Variants in PGM2L1 observed in about 807,000 individuals in gnomAD.
PGM2L1 encodes the protein phosphoglucomutase 2 like 1, also known as glucose 1,6-bisphosphate synthase.
PGM2L1 carries 35 observed loss-of-function variants against 73.4 expected under a neutral mutation model. That is an observed-to-expected ratio of 0.48 (90% CI 0.36 to 0.63). PGM2L1 has a LOEUF of 0.63. PGM2L1 is among the 30% of genes least tolerant of loss of function. The pLI is 0.00. For missense variants in PGM2L1, 570 were observed against 742.0 expected, an observed-to-expected ratio of 0.77 and a Z score of 2.69; for synonymous variants, 225 against 253.8, an observed-to-expected ratio of 0.89 and a Z score of 1.08.
chr11:74,353,646 G>T (rs1862393334), intron 5 of PGM2L1, among the ~76,000 whole-genome samples: 4 of 151,784 alleles, frequency 2.6e-5, no homozygotes, highest in Admixed American at 2.6e-4. Flanking sequence ...AGAGCAAGGG[G>T]CTGGGGGTAA....
At chr11:74,361,475 C>T (rs975949688) in intron 5 of PGM2L1, among the ~76,000 whole-genome samples, 12 of 152,302 alleles carry the variant, frequency 7.9e-5, no homozygotes, top group South Asian at 2.1e-4. Context: ...GCTGAAAATT[C>T]TAAAAATCAG....
chr11:74,351,644 G>A, intron 5 of PGM2L1, 68 bp from the exon 6 acceptor site: 1 of 1,343,632 alleles, frequency 7.4e-7, no homozygotes, highest in Non-Finnish European at 1.0e-6. Context: ...GTCTATAGTT[G>A]AGATCTTCAG....
chr11:74,396,713 C>T (rs940266405), intron 1 of PGM2L1, among the ~76,000 whole-genome samples: 1 of 152,210 alleles, frequency 6.6e-6, no homozygotes, highest in Non-Finnish European at 1.5e-5. Context: ...GGCGCCCGGC[C>T]GGAAATTCAT....
At chr11:74,378,392 A>C (rs1472187833) in intron 1 of PGM2L1, among the ~76,000 whole-genome samples, 8 of 152,218 alleles carry the variant, frequency 5.3e-5, no homozygotes, top group Non-Finnish European at 1.0e-4. Flanking sequence ...AATGCATTCA[A>C]TCTGAAATAA....
intron 1 of PGM2L1, among the ~76,000 whole-genome samples, chr11:74,384,340 A>G (rs1862991178): frequency 6.6e-6 from 1 of 151,862 alleles, no homozygotes; most frequent in South Asian, 2.1e-4. Flanking sequence ...TTCTCCACCA[A>G]TTTTTTTAAC....
intron 5 of PGM2L1, among the ~76,000 whole-genome samples, chr11:74,360,272 A>AAG (rs1862536666): frequency 7.0e-6 from 1 of 143,590 alleles, no homozygotes; most frequent in Admixed American, 7.0e-5. Context: ...AAAGAGAAAG[A>AAG]GAAGGAAGGA....
chr11:74,364,618 C>A (rs927481408), intron 5 of PGM2L1, among the ~76,000 whole-genome samples: 3 of 152,120 alleles, frequency 2.0e-5, no homozygotes, highest in African/African-American at 7.2e-5. Context: ...TTCACAATTG[C>A]TTCAAAGAGA....
chr11:74,343,232 T>C (rs1040999446), intron 10 of PGM2L1, 91 bp downstream of exon 10: 11 of 1,437,574 alleles, frequency 7.7e-6, no homozygotes, highest in Non-Finnish European at 9.2e-6. Flanking sequence ...CAACTCAAAA[T>C]ATGAAACCAG....
Position 74,345,424 on chromosome 11 carries a change from G to T in PGM2L1, c.1218+45C>A, listed in dbSNP as rs140271629. ...GGTGGGGAGATGTCTTTAACATACA[G>T]AAATAGGTTTTAAAAAGTAGCACAC... On this transcript the variant is annotated intron_variant, in intron 9 of 13. Coordinates refer to ENST00000298198, the MANE Select transcript of PGM2L1 (RefSeq NM_173582.6). 2.5e-4 allele frequency: 380 copies of T among 1,502,620 alleles called. 3 individuals carry two copies. The African/African-American group carries it at 5.0e-3, about 20-fold the overall frequency. 93.1% of individuals were successfully genotyped at this position (1,502,620 alleles called of 1,614,324 possible).
chr11:74,358,514 T>C (rs1458599263), intron 5 of PGM2L1, among the ~76,000 whole-genome samples: 1 of 152,112 alleles, frequency 6.6e-6, no homozygotes, highest in African/African-American at 2.4e-5. Context: ...CCGTCATATG[T>C]TGTTGATGAG....
chr11:74,358,844 G>A (rs777484240), intron 5 of PGM2L1, among the ~76,000 whole-genome samples: 7 of 152,116 alleles, frequency 4.6e-5, no homozygotes, highest in African/African-American at 9.7e-5. Context: ...AGCTGAGATC[G>A]TGCCACTGCA....
chr11:74,343,385 C>T lies in PGM2L1; in HGVS notation c.1250G>A (p.Ser417Asn), dbSNP rs1429375151. The T allele has an allele frequency of 1.9e-6, 3 of 1,611,690 alleles. No homozygotes were observed. Among genetic ancestry groups the T allele is most frequent in the Non-Finnish European group, 2.5e-6 (3 of 1,179,366 alleles). ...ETLPGFKWIGSRIIDLLENGK... is the reference protein window; with the variant it reads ...ETLPGFKWIGNRIIDLLENGK... ...ATTTTCCAGGAGGTCTATTATCCTA[C>T]TTCCAATCCATTTAAAACCTGGTAA... The change falls in exon 10 of 14, where the codon AGT becomes AAT. Residue 417 changes from serine (S) to asparagine (N), a missense_variant. By Grantham distance (46) the Ser-to-Asn change is conservative. Transcript: ENST00000298198.
Position 74,336,344 on chromosome 11 carries a change from T to C in PGM2L1, c.*308A>G, listed in dbSNP as rs1226663835. On this transcript the variant is annotated 3_prime_UTR_variant, in exon 14 of 14. Transcript: ENST00000298198. ...AGAACTAGGCTTAATCACACTATAA[T>C]AAGAAAACTCACTTTTGAATTGTGA... The C allele has an allele frequency of 5.7e-6, 1 of 176,726 alleles. No individual in the cohort carries two copies. Among genetic ancestry groups the C allele is most frequent in the Non-Finnish European group, 1.2e-5 (1 of 84,240 alleles). The allele number at this position is 176,726 out of a possible 1,614,324, so 10.9% of individuals were successfully genotyped here.
chr11:74,394,306 C>T (rs1863143404), intron 1 of PGM2L1, among the ~76,000 whole-genome samples: 1 of 152,168 alleles, frequency 6.6e-6, no homozygotes, highest in African/African-American at 2.4e-5. Context: ...CTGTACCATA[C>T]ATTAATAAAA....
intron 5 of PGM2L1, among the ~76,000 whole-genome samples, chr11:74,356,385 G>A (rs1862455512): frequency 6.6e-6 from 1 of 152,164 alleles, no homozygotes; most frequent in Non-Finnish European, 1.5e-5. Flanking sequence ...CAGGAATGAA[G>A]CTTGTGTGTC....
rs553638759 is a variant in PGM2L1, at chr11:74,355,984, AT to A, written c.556-4409del. Among the ~76,000 whole-genome samples the A allele has an allele frequency of 1.3e-3, 197 of 147,804 alleles. No homozygotes were observed. The South Asian group carries it at 0.014, about 10-fold the overall frequency. ...ATTCCAACAAAGAGTTTTAATATGG[AT>A]TTTTTTTTTTGCACCCATGCTGTTG... On this transcript the variant is annotated intron_variant, in intron 5 of 13. Transcript: ENST00000298198.
intron 5 of PGM2L1, chr11:74,355,231 A>G (rs1455118618): frequency 7.3e-7 from 1 of 1,365,480 alleles, no homozygotes; most frequent in Non-Finnish European, 1.0e-6. Flanking sequence ...AGCTACAATG[A>G]TTTTGGCAAT....
At chr11:74,336,923 C>A (rs568334801) in intron 13 of PGM2L1, among the ~76,000 whole-genome samples, 169 bp from the exon 14 acceptor site, 3 of 151,524 alleles carry the variant, frequency 2.0e-5, no homozygotes, top group African/African-American at 7.3e-5. Flanking sequence ...AAATTACACA[C>A]AAAGAAAACA....
chr11:74,366,327 G>C (rs1336137902), intron 5 of PGM2L1, among the ~76,000 whole-genome samples: 2 of 149,496 alleles, frequency 1.3e-5, no homozygotes, highest in African/African-American at 4.9e-5. Context: ...AAACCTGCAC[G>C]TTGTGCACAT....
Sources: allele counts gnomAD v4.1 joint callset (sites outside exome capture counted in the v4.1 genomes callset), GRCh38; gene constraint gnomAD v4.1.1; transcripts MANE v1.5; gene names NCBI Gene and HGNC (gene_info 2026-07-23, HGNC 2026-07-21).